Variants in CDH7 observed in about 807,000 individuals in gnomAD.
CDH7 encodes cadherin-7.
Under a neutral mutation model 71.8 loss-of-function variants are expected in CDH7, and 25 were observed. The observed-to-expected ratio is 0.35, with a 90% CI of 0.25 to 0.49. The LOEUF is 0.49. Ranked by LOEUF, CDH7 falls within the 20% of genes least tolerant of loss-of-function variation. The pLI, the probability that CDH7 is intolerant of heterozygous loss-of-function variation, is 0.99. For missense variants in CDH7, 862 were observed against 974.6 expected (o/e 0.88, Z 1.54); for synonymous variants, 381 against 363.8 (o/e 1.05, Z -0.54).
chr18:65,843,006 A>G (rs1412678906), intron 6 of CDH7, among the ~76,000 whole-genome samples: 3 of 152,164 alleles, frequency 2.0e-5, no homozygotes, highest in Admixed American at 2.0e-4. Context: ...TGTTATTGTC[A>G]CAAACAACGT....
chr18:65,887,829 T>A lies in CDH7; in HGVS notation c.*6935T>A, dbSNP rs550497734. ...GATTTCAGAATTTTTTTTCTCAAAT[T>A]TAGAGGAACGAACAATTCACATTAG... On this transcript the variant is annotated 3_prime_UTR_variant, in exon 12 of 12. Coordinates refer to ENST00000397968, the MANE Select transcript of CDH7 (RefSeq NM_004361.5). 1 of 152,140 alleles carries A rather than the reference T, an allele frequency of 6.6e-6. No individual in the cohort carries two copies. The highest frequency in any genetic ancestry group is 2.4e-5 in the African/African-American group (1 of 41,430). The allele number at this position is 152,140 out of a possible 1,614,324, so 9.4% of individuals were successfully genotyped here.
intron 11 of CDH7, among the ~76,000 whole-genome samples, chr18:65,869,603 C>T (rs1233046370): frequency 1.7e-5 from 2 of 116,270 alleles, no homozygotes; most frequent in East Asian, 3.1e-4. Context: ...GCTTCTGAGT[C>T]CAGGCTGGAT....
Position 65,862,724 on chromosome 18 carries a change from T to G in CDH7, c.1671T>G (p.Val557=). ...RNGFRRQEQS[V]YYLPIFIVDS... ...GCTTCCGGAGACAGGAACAATCAGT[T>G]TACTATCTGCCAATTTTCATTGTGG... Residue 557 remains valine (V), a synonymous_variant, in exon 11 of 12, where the codon GTT becomes GTG. Transcript: ENST00000397968. 1 of 1,614,080 alleles carries G rather than the reference T, an allele frequency of 6.2e-7. No individual in the cohort carries two copies. Among genetic ancestry groups the G allele is most frequent in the Non-Finnish European group, 8.5e-7 (1 of 1,179,970 alleles).
At chr18:65,786,359 A>C (rs1048214076) in intron 2 of CDH7, among the ~76,000 whole-genome samples, 2 of 152,124 alleles carry the variant, frequency 1.3e-5, no homozygotes, top group Non-Finnish European at 2.9e-5. Context: ...TAACATAAAA[A>C]TTTATTTTGG....
intron 2 of CDH7, among the ~76,000 whole-genome samples, chr18:65,796,309 A>G (rs562242596): frequency 2.0e-5 from 3 of 151,696 alleles, no homozygotes; most frequent in Admixed American, 2.0e-4. Flanking sequence ...TTGAAATTAT[A>G]GAATAAATTT....
chr18:65,852,433 C>A (rs1417708694), intron 7 of CDH7, among the ~76,000 whole-genome samples: 1 of 152,092 alleles, frequency 6.6e-6, no homozygotes, highest in South Asian at 2.1e-4. Context: ...AGGACTGACA[C>A]CTTGGCAGCA....
At chr18:65,780,918 G>C (rs1045608505) in intron 2 of CDH7, among the ~76,000 whole-genome samples, 1 of 104,840 alleles carries the variant, frequency 9.5e-6, no homozygotes, top group Admixed American at 1.1e-4. Context: ...CTCTATTCCT[G>C]TTTTTTTTTT....
rs1248371279 is a variant in CDH7, at chr18:65,881,948, A to G, written c.*1054A>G. On this transcript the variant is annotated 3_prime_UTR_variant, in exon 12 of 12. Transcript: ENST00000397968. The stretch of plus-strand genomic sequence containing the variant: ...TAGAATGTCAAAACATTGGAATAAA[A>G]TATTTGTATTTTAGAAAGACTTCAG... The G allele has an allele frequency of 6.6e-6, 1 of 152,196 alleles. No individual in the cohort carries two copies. Among genetic ancestry groups the G allele is most frequent in the Non-Finnish European group, 1.5e-5 (1 of 68,016 alleles). 9.4% of individuals were successfully genotyped at this position (152,196 alleles called of 1,614,324 possible). A position where few individuals can be genotyped will look rare whatever the true frequency, so the allele number is the denominator to read the frequency against.
intron 1 of CDH7, among the ~76,000 whole-genome samples, chr18:65,758,575 GA>G (rs1375534137): frequency 6.6e-6 from 1 of 152,132 alleles, no homozygotes; most frequent in Non-Finnish European, 1.5e-5. Context: ...TCTCAAAAAA[GA>G]AAATTTCGTC....
chr18:65,764,582 AT>A (rs1916298194), intron 2 of CDH7, among the ~76,000 whole-genome samples: 1 of 152,050 alleles, frequency 6.6e-6, no homozygotes, highest in African/African-American at 2.4e-5. Flanking sequence ...CTAGCTCTTA[AT>A]TTCATTCATT....
Position 65,880,828 on chromosome 18 carries a change from C to T in CDH7, c.2292C>T (p.Asp764=). Residue 764 remains aspartate (D), a synonymous_variant, in exon 12 of 12, where the codon GAC becomes GAT. Transcript: ENST00000397968. ...NSDQNYDYLS[D]WGPRFKRLAD... is the part of the protein sequence containing the mutation. The stretch of plus-strand genomic sequence containing the variant: ...ATCAGAACTATGACTACCTAAGTGA[C>T]TGGGGACCTCGCTTTAAACGACTCG... 6.2e-7 allele frequency: 1 copy of T among 1,613,860 alleles called. No homozygotes were observed. Among genetic ancestry groups the T allele is most frequent in the Non-Finnish European group, 8.5e-7 (1 of 1,179,920 alleles).
rs914422833 is a variant in CDH7 at position 65,885,612 on chromosome 18, C to G, written c.*4718C>G. The G allele has an allele frequency of 2.6e-5, 4 of 151,434 alleles. No homozygotes were observed. Among genetic ancestry groups the G allele is most frequent in the Non-Finnish European group, 2.9e-5 (2 of 67,934 alleles). 9.4% of individuals were successfully genotyped at this position (151,434 alleles called of 1,614,324 possible). On this transcript the variant is annotated 3_prime_UTR_variant, in exon 12 of 12. Coordinates refer to ENST00000397968, the MANE Select transcript of CDH7 (RefSeq NM_004361.5). ...CGATCTCCTGACCTCGTGATTCGCCCGCCTCGGCCTCCCAAAGTGCTGGGA... is the reference window on the plus strand; with the variant it reads ...CGATCTCCTGACCTCGTGATTCGCCGGCCTCGGCCTCCCAAAGTGCTGGGA...
Position 65,883,544 on chromosome 18 carries a change from A to C in CDH7, c.*2650A>C, listed in dbSNP as rs904690351. 2 of 152,038 alleles carry C rather than the reference A, an allele frequency of 1.3e-5. No individual in the cohort carries two copies. The highest frequency in any genetic ancestry group is 2.4e-5 in the African/African-American group (1 of 41,450). The allele number at this position is 152,038 out of a possible 1,614,324, so 9.4% of individuals were successfully genotyped here. A position where few individuals can be genotyped will look rare whatever the true frequency, so the allele number is the denominator to read the frequency against. Reference sequence around the variant, plus strand: ...TATCAAGTTGCTTAAATTCAGTATTATACTGAAACCAACTAGAATGAGCTC... The same window carrying C: ...TATCAAGTTGCTTAAATTCAGTATTCTACTGAAACCAACTAGAATGAGCTC... On this transcript the variant is annotated 3_prime_UTR_variant, in exon 12 of 12. Transcript: ENST00000397968.
Position 65,822,113 on chromosome 18 carries a change from A to G in CDH7, c.658A>G (p.Arg220Gly). ...VIKTALPNMD[R>G]EAKDQYLLVI... Reference sequence around the variant, plus strand: ...CAAGACTGCCCTTCCAAACATGGATAGAGAGGCTAAAGACCAGTATTTGCT... The same window carrying G: ...CAAGACTGCCCTTCCAAACATGGATGGAGAGGCTAAAGACCAGTATTTGCT... Residue 220 changes from arginine (R) to glycine (G), a missense_variant, in exon 5 of 12, where the codon AGA (arginine) becomes GGA (glycine). Arg to Gly is a moderately radical substitution (Grantham distance 125). Transcript: ENST00000397968. The G allele has an allele frequency of 1.2e-6, 2 of 1,613,226 alleles. No homozygotes were observed.
At chr18:65,861,328 T>A (rs1470011104) in intron 10 of CDH7, among the ~76,000 whole-genome samples, 1 of 20,994 alleles carries the variant, frequency 4.8e-5, no homozygotes, top group Admixed American at 3.8e-4. Flanking sequence ...ATTCACCGTG[T>A]GTGTGTGTGT....
intron 7 of CDH7, among the ~76,000 whole-genome samples, chr18:65,849,406 TTTCTTTTCTTTTC>T (rs1242021055): frequency 7.7e-6 from 1 of 129,830 alleles, no homozygotes; most frequent in Non-Finnish European, 1.7e-5. Flanking sequence ...TTTCTTTTCT[TTTCTTTTCTTTTC>T]TTTTCTTTCT....
chr18:65,836,256 G>A (rs1259570118), intron 6 of CDH7, among the ~76,000 whole-genome samples: 4 of 152,138 alleles, frequency 2.6e-5, no homozygotes, highest in African/African-American at 4.8e-5. Context: ...TAATGCAGAA[G>A]TCAAAATGGA....
chr18:65,762,122 CAG>C (rs1021268102), intron 1 of CDH7, among the ~76,000 whole-genome samples: 72 of 152,266 alleles, frequency 4.7e-4, no homozygotes, highest in Non-Finnish European at 8.8e-5. Flanking sequence ...TTCTGTGACT[CAG>C]AATCAATCAA....
chr18:65,760,565 T>G (rs1916161640), intron 1 of CDH7, among the ~76,000 whole-genome samples: 1 of 152,140 alleles, frequency 6.6e-6, no homozygotes, highest in South Asian at 2.1e-4. Context: ...GCCAAAGTGT[T>G]TATGTCATTG....
Sources: gnomAD v4.1 joint callset for allele counts (sites outside exome capture counted in the v4.1 genomes callset) on GRCh38, gnomAD v4.1.1 for gene constraint, MANE v1.5 for transcripts, NCBI Gene and HGNC (gene_info 2026-07-23, HGNC 2026-07-21) for gene names.